MAP3K9: variants seen among roughly 807,000 people sequenced by gnomAD.
The protein encoded by MAP3K9 is mitogen-activated protein kinase kinase kinase 9, also known as mixed lineage kinase 1 (tyr and ser/thr specificity).
Under a neutral mutation model 95.8 loss-of-function variants are expected in MAP3K9, and 46 were observed. That is an observed-to-expected ratio of 0.48 (90% CI 0.38 to 0.61). MAP3K9 has a LOEUF of 0.61. MAP3K9 is among the 20% of genes least tolerant of loss of function. The pLI is 0.00. For missense variants in MAP3K9, 1,296 were observed against 1,474.3 expected (o/e 0.88, Z 1.98); for synonymous variants, 533 against 593.8 (o/e 0.90, Z 1.49).
At chr14:70,735,100 C>T (rs1277115605) in intron 9 of MAP3K9, among the ~76,000 whole-genome samples, 1 of 152,218 alleles carries the variant, frequency 6.6e-6, no homozygotes, top group Admixed American at 6.5e-5. Flanking sequence ...GGGTAGTGCA[C>T]AGTGCTGAAG....
chr14:70,784,399 T>C (rs1168943191), intron 2 of MAP3K9, among the ~76,000 whole-genome samples: 2 of 152,146 alleles, frequency 1.3e-5, no homozygotes, highest in Non-Finnish European at 2.9e-5. Context: ...GCCCAACTTC[T>C]GGACAGCTGT....
intron 1 of MAP3K9, among the ~76,000 whole-genome samples, chr14:70,807,436 G>A (rs569672546): frequency 4.6e-5 from 7 of 152,292 alleles, no homozygotes; most frequent in African/African-American, 1.7e-4. Flanking sequence ...GTTGCAGTGA[G>A]CTGAGATTGC....
At chr14:70,754,492 G>C (rs2054271711) in intron 3 of MAP3K9, among the ~76,000 whole-genome samples, 1 of 152,080 alleles carries the variant, frequency 6.6e-6, no homozygotes, top group South Asian at 2.1e-4. Context: ...GTAATTTTGA[G>C]ACAGAGTCTT....
At chr14:70,730,916 G>T (rs748449299) in intron 11 of MAP3K9, 52 bp from the exon 12 acceptor site, 5 of 1,539,550 alleles carry the variant, frequency 3.2e-6, no homozygotes, top group Non-Finnish European at 1.7e-6. Flanking sequence ...ATATTTCGGG[G>T]TTAGATATCC....
intron 3 of MAP3K9, among the ~76,000 whole-genome samples, chr14:70,754,102 T>C (rs1406632688): frequency 6.6e-6 from 1 of 152,238 alleles, no homozygotes; most frequent in African/African-American, 2.4e-5. Context: ...TTGACAAAGA[T>C]AATTGAACTA....
At chr14:70,784,033 C>G (rs1213214981) in intron 2 of MAP3K9, among the ~76,000 whole-genome samples, 1 of 151,926 alleles carries the variant, frequency 6.6e-6, no homozygotes, top group Non-Finnish European at 1.5e-5. Flanking sequence ...CCTGTAATCC[C>G]AGCACTTTGG....
At chr14:70,780,246 G>A (rs1345187660) in intron 2 of MAP3K9, among the ~76,000 whole-genome samples, 5 of 152,220 alleles carry the variant, frequency 3.3e-5, no homozygotes, top group East Asian at 1.9e-4. Flanking sequence ...AGCATGAGGT[G>A]TGGATTTCTG....
At chr14:70,774,991 A>C (rs1227885507) in intron 2 of MAP3K9, among the ~76,000 whole-genome samples, 60 of 102,870 alleles carry the variant, frequency 5.8e-4, no homozygotes, top group South Asian at 1.2e-3. Flanking sequence ...CCCAAAAAAA[A>C]AAAAAAAAAA....
In MAP3K9 at chr14:70,774,441, G is replaced by A. The variant is rs200749692; in HGVS notation, c.821-13259C>T. Among the ~76,000 whole-genome samples, 15 of 152,190 alleles carry A rather than the reference G, an allele frequency of 9.9e-5. No homozygotes were observed. The East Asian group carries it at 1.2e-3, about 12-fold the overall frequency. ...AGCACTTTGGGAGGTCGAGGCGGGT[G>A]GATCACCTGAGGTGAGTTCGAGACC... On this transcript the variant is annotated intron_variant, in intron 2 of 11. Coordinates refer to ENST00000554752, the MANE Select transcript of MAP3K9 (RefSeq NM_001284230.2).
At chr14:70,762,324 C>T (rs1291963007) in intron 2 of MAP3K9, among the ~76,000 whole-genome samples, 1 of 152,182 alleles carries the variant, frequency 6.6e-6, no homozygotes, top group African/African-American at 2.4e-5. Context: ...AATTGTTCTG[C>T]ACAGCAGAAG....
At chr14:70,749,906 G>A in intron 4 of MAP3K9, 27 bp downstream of exon 4, 1 of 1,614,018 alleles carries the variant, frequency 6.2e-7, no homozygotes, top group Non-Finnish European at 8.5e-7. Context: ...AGTGTCTCCA[G>A]TTTGGTTCAG....
In MAP3K9 at chr14:70,748,990, C is replaced by T. The variant is rs372283795; in HGVS notation, c.1165G>A (p.Asp389Asn). 1.9e-6 allele frequency: 3 copies of T among 1,613,394 alleles called. No individual in the cohort carries two copies. In the African/African-American group the frequency reaches 4.0e-5, roughly 22 times the overall value. ...GTGAAAGATGGTCGTGAGTGGGGAT[C>T]AGGATTCCAGCAGTCTGAATAGAAC... ...AKLMEDCWNP[D>N]PHSRPSFTNI... The change falls in exon 5 of 12, where the codon GAT (aspartate) becomes AAT (asparagine). Residue 389 changes from aspartate (D) to asparagine (N), a missense_variant. Around this residue, in one of 5 missense-constraint regions of MAP3K9, gnomAD observed 136 missense variants for 221.5 expected, o/e 0.61. Coordinates refer to ENST00000554752, the MANE Select transcript of MAP3K9 (RefSeq NM_001284230.2).
At chr14:70,761,266 C>A in intron 2 of MAP3K9, 84 bp from the exon 3 acceptor site, 1 of 1,142,674 alleles carries the variant, frequency 8.8e-7, no homozygotes. Flanking sequence ...CTGCCATCCT[C>A]CTGGCCTCTC....
At chr14:70,782,298 G>A (rs1353503723) in intron 2 of MAP3K9, among the ~76,000 whole-genome samples, 4 of 152,172 alleles carry the variant, frequency 2.6e-5, no homozygotes, top group East Asian at 1.9e-4. Flanking sequence ...TAGCAGGCAC[G>A]TCAATTTCTT....
At position 70,730,235 on chromosome 14, in the gene MAP3K9, T is replaced by A. The variant is rs571338451; in HGVS notation, c.*145A>T. On this transcript the variant is annotated 3_prime_UTR_variant, in exon 12 of 12. Transcript: ENST00000554752. ...GGAGACCCTCTGAAGTGGCCCTGTT[T>A]CCATCCCTTCCATCTTCAAAGTGCA... 230 of 1,255,272 alleles carry A rather than the reference T, an allele frequency of 1.8e-4. 3 individuals carry two copies. The South Asian group carries it at 3.2e-3, about 18-fold the overall frequency. The allele number at this position is 1,255,272 out of a possible 1,614,324, so 77.8% of individuals were successfully genotyped here. A position where few individuals can be genotyped will look rare whatever the true frequency, so the allele number is the denominator to read the frequency against.
chr14:70,749,063 C>T (rs1203921872), intron 4 of MAP3K9, 59 bp from the exon 5 acceptor site: 1 of 1,511,960 alleles, frequency 6.6e-7, no homozygotes, highest in Non-Finnish European at 9.0e-7. Flanking sequence ...ACATGTAAGA[C>T]TTAGGCTATT....
chr14:70,733,126 C>T lies in MAP3K9; in HGVS notation c.2243G>A (p.Arg748His), dbSNP rs375119611. The change falls in exon 11 of 12, where the codon CGC becomes CAC. Residue 748 changes from arginine (R) to histidine (H), a missense_variant. Physicochemically the swap from Arg to His is conservative, Grantham distance 29. Transcript: ENST00000554752. ...SLKRGGAHHR[R>H]CEVALLGCGA... ...ACAGCCGAGCAGAGCCACCTCGCAG[C>T]GGCGGTGGTGGGCACCGCCCCGCTT... is the stretch of plus-strand genomic sequence containing the variant. 2.0e-5 allele frequency: 33 copies of T among 1,613,686 alleles called. No individual in the cohort carries two copies. The highest frequency in any genetic ancestry group is 6.7e-5 in the Admixed American group (4 of 59,984).
chr14:70,800,062 A>G (rs8022269), intron 2 of MAP3K9, among the ~76,000 whole-genome samples: 91,399 of 152,054 alleles, frequency 0.6, 27,592 homozygotes, highest in South Asian at 0.66. Flanking sequence ...ATAAAGAGTT[A>G]CTTCTCAGTT....
At chr14:70,747,080 T>C (rs553609436) in intron 5 of MAP3K9, among the ~76,000 whole-genome samples, 1 of 152,352 alleles carries the variant, frequency 6.6e-6, no homozygotes, top group South Asian at 2.1e-4. Flanking sequence ...GTGTTCAGAA[T>C]TGCTATGTTC....
Sources: gnomAD v4.1 joint callset for allele counts (sites outside exome capture counted in the v4.1 genomes callset) on GRCh38, gnomAD v4.1.1 for gene constraint, gnomAD v4.1.1 regional missense constraint, MANE v1.5 for transcripts, NCBI Gene and HGNC (gene_info 2026-07-23, HGNC 2026-07-21) for gene names.